PDE8B: variants seen among roughly 807,000 people sequenced by gnomAD.
PDE8B encodes the protein phosphodiesterase 8B.
Under a neutral mutation model 101.3 loss-of-function variants are expected in PDE8B, and 26 were observed. That is an observed-to-expected ratio of 0.26 (90% confidence interval 0.19 to 0.36). The LOEUF is 0.36. Among genes scored for constraint, PDE8B ranks in the 10% least tolerant of loss-of-function variants. The pLI is 1.00. For synonymous variants in PDE8B, 424 were observed against 429.3 expected (o/e 0.99, Z 0.15); for missense variants, 810 against 1,163.1 (o/e 0.70, Z 4.42).
chr5:77,330,647 G>C (rs1046826323), intron 4 of PDE8B, among the ~76,000 whole-genome samples: 1 of 152,128 alleles, frequency 6.6e-6, no homozygotes, highest in Non-Finnish European at 1.5e-5. Context: ...TTCTATCTGC[G>C]TTTCCACCCA....
intron 20 of PDE8B, among the ~76,000 whole-genome samples, chr5:77,423,176 G>A (rs1393099971): frequency 6.6e-6 from 1 of 152,146 alleles, no homozygotes; most frequent in Non-Finnish European, 1.5e-5. Context: ...CCATGTTGCT[G>A]CAAATGACAT....
chr5:77,183,103 C>CTATTATTATTATTAT, the PDE8B span, among the ~76,000 whole-genome samples: 1,244 of 130,226 alleles, frequency 9.6e-3, 5 homozygotes, highest in Middle Eastern at 0.038. Context: ...TGAAGATGTG[C>CTATTATTATTATTAT]TATTATTATT....
Position 77,210,858 on chromosome 5 carries a change from GGC to G in PDE8B, c.-67_-66del. On this transcript the variant is annotated 5_prime_UTR_variant, in exon 1 of 22. Coordinates refer to ENST00000264917, the MANE Select transcript of PDE8B (RefSeq NM_003719.5). The surrounding 1 kb of genome is among the most constrained non-coding windows in gnomAD (Gnocchi z 4.9). ...CCGCGGCCGCCCCCTCACTGCAGGT[GGC>G]AGCGGGTGCGCTGGGTCCCGGCGGC... The G allele has an allele frequency of 8.7e-7, 1 of 1,154,640 alleles. No homozygotes were observed. The highest frequency in any genetic ancestry group is 1.1e-6 in the Non-Finnish European group (1 of 941,746). 71.5% of individuals were successfully genotyped at this position (1,154,640 alleles called of 1,614,324 possible).
the PDE8B span, among the ~76,000 whole-genome samples, chr5:77,170,517 G>A: frequency 6.6e-6 from 1 of 152,154 alleles, no homozygotes; most frequent in African/African-American, 2.4e-5. Flanking sequence ...AGCCAAGCCT[G>A]GAAAGGAAAC....
At chr5:77,313,353 CAGAG>C (rs894621661) in intron 2 of PDE8B, among the ~76,000 whole-genome samples, 1 of 148,622 alleles carries the variant, frequency 6.7e-6, no homozygotes, top group Non-Finnish European at 1.5e-5. Flanking sequence ...AATTTAGGAA[CAGAG>C]AGAGAGAGAA....
chr5:77,419,976 A>T (rs1796299155), intron 19 of PDE8B, 89 bp downstream of exon 19: 1 of 1,444,276 alleles, frequency 6.9e-7, no homozygotes, highest in African/African-American at 1.4e-5. Flanking sequence ...TCTCCCACTC[A>T]AATGTAAGGT....
At chr5:77,377,722 A>G (rs549649182) in intron 10 of PDE8B, among the ~76,000 whole-genome samples, 133 of 152,334 alleles carry the variant, frequency 8.7e-4, no homozygotes, top group African/African-American at 2.9e-3. Context: ...ATCTGCACTC[A>G]CCAATGTGGG....
Position 77,404,766 on chromosome 5 carries a change from C to G in PDE8B, c.1257C>G (p.Asp419Glu), listed in dbSNP as rs761268133. The change falls in exon 12 of 22, where the codon GAC (aspartate) becomes GAG (glutamate). Residue 419 changes from aspartate to glutamate, a missense_variant. This residue lies in a region of PDE8B where 75 missense variants were observed against 76.9 expected (regional missense o/e 0.98). Coordinates refer to ENST00000264917, the MANE Select transcript of PDE8B (RefSeq NM_003719.5). ...AGAACAGGAGGAAAGAGTCCATTGA[C>G]GTGAAATCGATATCATCTCGAGGCA... ...RYKNRRKESIDVKSISSRGSD... is the reference protein window; with the variant it reads ...RYKNRRKESIEVKSISSRGSD... 2 of 1,605,836 alleles carry G rather than the reference C, an allele frequency of 1.2e-6. No homozygotes were observed. Among genetic ancestry groups the G allele is most frequent in the African/African-American group, 2.7e-5 (2 of 74,732 alleles).
chr5:77,352,476 C>A (rs1309834502), intron 9 of PDE8B, among the ~76,000 whole-genome samples: 2 of 152,208 alleles, frequency 1.3e-5, no homozygotes, highest in Admixed American at 1.3e-4. Flanking sequence ...TGTCCAGACA[C>A]AATTTCCAGT....
At chr5:77,146,816 C>A in the PDE8B span, 1 of 352,110 alleles carries the variant, frequency 2.8e-6, no homozygotes, top group South Asian at 2.9e-5. Flanking sequence ...CTAAAGATCC[C>A]CTTTAGGACG....
At chr5:77,380,223 CAAG>C (rs1423924910) in intron 10 of PDE8B, among the ~76,000 whole-genome samples, 1 of 152,124 alleles carries the variant, frequency 6.6e-6, no homozygotes, top group Non-Finnish European at 1.5e-5. Flanking sequence ...TATATAAAAT[CAAG>C]AAACATTTAA....
chr5:77,138,298 C>T, the PDE8B span, among the ~76,000 whole-genome samples: 1 of 152,148 alleles, frequency 6.6e-6, no homozygotes, highest in African/African-American at 2.4e-5. Context: ...TCCCTCTGGC[C>T]CTGCTTTTAG....
At chr5:77,250,488 C>A (rs939589930) in intron 1 of PDE8B, among the ~76,000 whole-genome samples, 1 of 152,188 alleles carries the variant, frequency 6.6e-6, no homozygotes, top group African/African-American at 2.4e-5. Context: ...GGTAAAAATG[C>A]CCATCTTTGC....
chr5:77,393,678 T>C (rs1455351179), intron 10 of PDE8B, among the ~76,000 whole-genome samples: 2 of 152,240 alleles, frequency 1.3e-5, no homozygotes, highest in African/African-American at 4.8e-5. Context: ...GCTGGAACTT[T>C]ATAAGGAATT....
chr5:77,398,115 G>T lies in PDE8B; in HGVS notation c.1168-2133G>T, dbSNP rs114002549. ...AAATTCCTTTTTTTAGATCCCTCGT[G>T]TGGCAAGAAGTAGTAGGAACAGACA... On this transcript the variant is annotated intron_variant, in intron 10 of 21. Transcript: ENST00000264917. 4.9e-3 allele frequency among the ~76,000 whole-genome samples: 747 copies of T among 152,056 alleles called. 5 individuals are homozygous for T. Among genetic ancestry groups the T allele is most frequent in the African/African-American group, 0.017 (687 of 41,490 alleles).
chr5:77,131,302 C>A, the PDE8B span: 1 of 152,220 alleles, frequency 6.6e-6, no homozygotes, highest in East Asian at 1.9e-4. Flanking sequence ...AATGACCTTT[C>A]TTTTTGTGTC....
At chr5:77,306,559 G>GA (rs1243718000) in intron 1 of PDE8B, among the ~76,000 whole-genome samples, 1 of 152,186 alleles carries the variant, frequency 6.6e-6, no homozygotes, top group East Asian at 1.9e-4. Context: ...GCAGGCCCTT[G>GA]AAGGATGCGT....
intron 10 of PDE8B, among the ~76,000 whole-genome samples, chr5:77,377,239 T>C (rs1391010608): frequency 6.6e-6 from 1 of 152,140 alleles, no homozygotes; most frequent in African/African-American, 2.4e-5. Flanking sequence ...TGAATCCAGA[T>C]TCTCAACAAA....
intron 10 of PDE8B, among the ~76,000 whole-genome samples, chr5:77,399,702 T>C (rs551761040): frequency 7.9e-5 from 12 of 152,256 alleles, no homozygotes; most frequent in Non-Finnish European, 1.3e-4. Flanking sequence ...ACAAAAAAAA[T>C]TGATAATGAG....
Sources: gnomAD v4.1 joint callset for allele counts (sites outside exome capture counted in the v4.1 genomes callset) on GRCh38, gnomAD v4.1.1 for gene constraint, gnomAD v4.1.1 regional missense constraint, Gnocchi (gnomAD v3.1) non-coding constraint, MANE v1.5 for transcripts, NCBI Gene and HGNC (gene_info 2026-07-23, HGNC 2026-07-21) for gene names.